ATXN1: variants seen among roughly 807,000 people sequenced by gnomAD.
ATXN1 encodes the protein ataxin 1, also known as ataxin-1.
Under a neutral mutation model 56.4 loss-of-function variants are expected in ATXN1, and 8 were observed. The observed-to-expected ratio is 0.14, with a 90% CI of 0.08 to 0.26. The LOEUF is 0.26. Ranked by LOEUF, ATXN1 falls within the 10% of genes least tolerant of loss-of-function variation. The probability of loss-of-function intolerance (pLI) is 1.00; values close to 1 mark genes in which losing one functional copy is unlikely to be tolerated. For missense variants in ATXN1, 987 were observed against 1,106.5 expected (o/e 0.89, Z 1.53); for synonymous variants, 514 against 494.6 (o/e 1.04, Z -0.52).
chr6:16,443,181 C>CTAAA lies in ATXN1; in HGVS notation c.-161+42787_-161+42790dup, dbSNP rs571292304. Reference sequence around the variant, plus strand: ...TGGGTGACAAAGTGAGACCCTGTCTCTAAATAAATAAATAAATCTATTGGA... The same window carrying CTAAA: ...TGGGTGACAAAGTGAGACCCTGTCTCTAAATAAATAAATAAATAAATCTATTGGA... On this transcript the variant is annotated intron_variant, in intron 6 of 7. Coordinates refer to ENST00000436367, the MANE Select transcript of ATXN1 (RefSeq NM_001128164.2). 1.8e-3 allele frequency among the ~76,000 whole-genome samples: 161 copies of CTAAA among 90,052 alleles called. 2 individuals are homozygous for CTAAA. Among genetic ancestry groups the CTAAA allele is most frequent in the African/African-American group, 6.5e-3 (144 of 22,114 alleles). 59.1% of individuals were successfully genotyped at this position (90,052 alleles called of 152,430 possible). A position where few individuals can be genotyped will look rare whatever the true frequency, so the allele number is the denominator to read the frequency against.
At chr6:16,749,244 C>T (rs891358943) in intron 2 of ATXN1, among the ~76,000 whole-genome samples, 1 of 152,118 alleles carries the variant, frequency 6.6e-6, no homozygotes, top group African/African-American at 2.4e-5. Flanking sequence ...GCTACAGAGT[C>T]AAGTAGATGG....
intron 6 of ATXN1, among the ~76,000 whole-genome samples, chr6:16,424,319 C>T (rs564712422): frequency 6.6e-6 from 1 of 152,270 alleles, no homozygotes; most frequent in South Asian, 2.1e-4. Flanking sequence ...AGCCTGCGTG[C>T]ACAAACATTC....
intron 6 of ATXN1, among the ~76,000 whole-genome samples, chr6:16,453,182 CTCA>C (rs1035451254): frequency 8.3e-6 from 1 of 121,210 alleles, no homozygotes; most frequent in Non-Finnish European, 1.8e-5. Context: ...CAGCATCAGT[CTCA>C]TCATTGATAG....
At chr6:16,595,146 T>C (rs780868780) in intron 3 of ATXN1, among the ~76,000 whole-genome samples, 6 of 152,242 alleles carry the variant, frequency 3.9e-5, no homozygotes, top group Admixed American at 1.3e-4. Context: ...GAGACTTCTT[T>C]ATTTCCTTCA....
chr6:16,627,125 C>T (rs1763420118), intron 3 of ATXN1, among the ~76,000 whole-genome samples: 1 of 152,178 alleles, frequency 6.6e-6, no homozygotes, highest in Admixed American at 6.5e-5. Context: ...GGTACTGGAA[C>T]AGGAATGAGG....
intron 4 of ATXN1, among the ~76,000 whole-genome samples, chr6:16,525,802 A>C (rs1473212223): frequency 6.6e-6 from 1 of 151,952 alleles, no homozygotes; most frequent in South Asian, 2.1e-4. Flanking sequence ...TACCCACAAA[A>C]AAATTAAAAA....
intron 2 of ATXN1, among the ~76,000 whole-genome samples, chr6:16,719,792 G>A (rs1759710435): frequency 6.6e-6 from 1 of 152,122 alleles, no homozygotes; most frequent in African/African-American, 2.4e-5. Context: ...TGAAAACAGA[G>A]GCAGAGACTG....
intron 6 of ATXN1, among the ~76,000 whole-genome samples, chr6:16,480,154 C>CAAAAAAAAAAAAAAAAAAAAAA (rs60209783): frequency 2.5e-5 from 2 of 79,110 alleles, no homozygotes; most frequent in African/African-American, 5.3e-5. Context: ...ACTTCATCTG[C>CAAAAAAAAAAAAAAAAAAAAAA]AAAAAAAAAA....
intron 6 of ATXN1, among the ~76,000 whole-genome samples, chr6:16,383,094 C>T (rs1400132492): frequency 6.6e-6 from 1 of 152,166 alleles, no homozygotes; most frequent in Non-Finnish European, 1.5e-5. Context: ...CACTCCCTAC[C>T]CCGCACCATA....
intron 4 of ATXN1, among the ~76,000 whole-genome samples, chr6:16,545,016 T>G (rs927573868): frequency 1.3e-5 from 2 of 152,164 alleles, no homozygotes; most frequent in Non-Finnish European, 1.5e-5. Context: ...GGTCCAGGTA[T>G]GTAGAGACAA....
At chr6:16,343,640 G>A (rs1162914831) in intron 6 of ATXN1, among the ~76,000 whole-genome samples, 6 of 152,134 alleles carry the variant, frequency 3.9e-5, no homozygotes, top group Admixed American at 3.9e-4. Flanking sequence ...ACTGAAAGCT[G>A]GCCGATATCC....
At chr6:16,348,005 C>T (rs2113454495) in intron 6 of ATXN1, among the ~76,000 whole-genome samples, 1 of 152,256 alleles carries the variant, frequency 6.6e-6, no homozygotes, top group South Asian at 2.1e-4. Flanking sequence ...GACCATGAAC[C>T]CACAGGGAGG....
intron 2 of ATXN1, among the ~76,000 whole-genome samples, chr6:16,662,041 A>G (rs1364558112): frequency 6.6e-6 from 1 of 152,228 alleles, no homozygotes. Flanking sequence ...TACAGTTACA[A>G]TGTATGAAAC....
At chr6:16,311,490 G>GGT (rs1332629760) in intron 7 of ATXN1, among the ~76,000 whole-genome samples, 1 of 152,132 alleles carries the variant, frequency 6.6e-6, no homozygotes. Flanking sequence ...CTTGTTCCAT[G>GGT]GTACAGATAA....
chr6:16,466,697 G>GTA (rs35542349), intron 6 of ATXN1, among the ~76,000 whole-genome samples: 12,616 of 151,622 alleles, frequency 0.083, 770 homozygotes, highest in East Asian at 0.31. Flanking sequence ...GTATTTATTT[G>GTA]TATATATATA....
chr6:16,577,051 G>A (rs1040488609), intron 4 of ATXN1, among the ~76,000 whole-genome samples: 4 of 152,080 alleles, frequency 2.6e-5, no homozygotes, highest in South Asian at 4.1e-4. Context: ...CACTGTCTCC[G>A]TTTCAGTCTT....
At chr6:16,452,617 C>T (rs1447192196) in intron 6 of ATXN1, among the ~76,000 whole-genome samples, 1 of 152,158 alleles carries the variant, frequency 6.6e-6, no homozygotes. Flanking sequence ...ATTTTTTTCC[C>T]ACTCTCACTG....
chr6:16,722,695 G>A (rs1759768592), intron 2 of ATXN1, among the ~76,000 whole-genome samples: 1 of 152,214 alleles, frequency 6.6e-6, no homozygotes, highest in African/African-American at 2.4e-5. Context: ...AGTCATGATA[G>A]TAATCAAACC....
Position 16,389,997 on chromosome 6 carries a change from G to A in ATXN1, c.-160-61527C>T, listed in dbSNP as rs572265552. On this transcript the variant is annotated intron_variant, in intron 6 of 7. Coordinates refer to ENST00000436367, the MANE Select transcript of ATXN1 (RefSeq NM_001128164.2). ...TTTCCCAAAATTAGATTTCCTTACT[G>A]CAAGAAATACATACAGATTATTAAT... Among the ~76,000 whole-genome samples, 17 of 152,260 alleles carry A rather than the reference G, an allele frequency of 1.1e-4. No homozygotes were observed. In the South Asian group the frequency reaches 3.5e-3, roughly 32 times the overall value.
Sources: allele counts gnomAD v4.1 joint callset (sites outside exome capture counted in the v4.1 genomes callset), GRCh38; gene constraint gnomAD v4.1.1; transcripts MANE v1.5; gene names NCBI Gene and HGNC (gene_info 2026-07-23, HGNC 2026-07-21).